GRIA4: variants seen among roughly 807,000 people sequenced by gnomAD.
GRIA4 encodes the protein glutamate ionotropic receptor AMPA type subunit 4, also known as glutamate receptor 4.
GRIA4 carries 34 observed loss-of-function variants against 104.0 expected under a neutral mutation model. The ratio of observed to expected loss-of-function variants is 0.33; its 90% CI spans 0.25 to 0.44. GRIA4 has a LOEUF of 0.44. GRIA4 is among the 20% of genes least tolerant of loss of function. The probability of loss-of-function intolerance (pLI) is 1.00; values close to 1 mark genes in which losing one functional copy is unlikely to be tolerated. For missense variants in GRIA4, 750 were observed against 1,096.5 expected (o/e 0.68, Z 4.46); for synonymous variants, 386 against 381.9 (o/e 1.01, Z -0.13).
intron 4 of GRIA4, among the ~76,000 whole-genome samples, chr11:105,861,053 G>T (rs1225420442): frequency 6.6e-6 from 1 of 151,860 alleles, no homozygotes; most frequent in Non-Finnish European, 1.5e-5. Context: ...AGAAATGCAG[G>T]AATTATGAGT....
At chr11:105,914,428 T>G (rs1361322958) in intron 10 of GRIA4, among the ~76,000 whole-genome samples, 1 of 152,114 alleles carries the variant, frequency 6.6e-6, no homozygotes, top group Non-Finnish European at 1.5e-5. Context: ...TTTAGAAAAT[T>G]TTGAAGCCTT....
chr11:105,675,837 T>G (rs1402992940), intron 3 of GRIA4, among the ~76,000 whole-genome samples: 1 of 151,862 alleles, frequency 6.6e-6, no homozygotes, highest in Non-Finnish European at 1.5e-5. Flanking sequence ...ATTTTGATAT[T>G]TATACTACTT....
chr11:105,840,160 T>C (rs947368871), intron 4 of GRIA4, among the ~76,000 whole-genome samples: 2 of 152,238 alleles, frequency 1.3e-5, no homozygotes, highest in Non-Finnish European at 2.9e-5. Flanking sequence ...ATATTTCAAA[T>C]GATTCTGATT....
intron 4 of GRIA4, among the ~76,000 whole-genome samples, chr11:105,781,317 C>G (rs1188854557): frequency 1.3e-5 from 2 of 152,124 alleles, no homozygotes; most frequent in African/African-American, 4.8e-5. Flanking sequence ...TTCTCTCACA[C>G]AATGCTCCCA....
intron 4 of GRIA4, among the ~76,000 whole-genome samples, chr11:105,815,163 T>C (rs1391036214): frequency 2.6e-5 from 4 of 152,180 alleles, no homozygotes; most frequent in Admixed American, 1.3e-4. Flanking sequence ...AAACAATACC[T>C]AAAACCAGCC....
intron 4 of GRIA4, among the ~76,000 whole-genome samples, chr11:105,761,232 T>C (rs1940632182): frequency 6.6e-6 from 1 of 152,144 alleles, no homozygotes; most frequent in South Asian, 2.1e-4. Context: ...CTCTCTCATT[T>C]GTCATGCTTT....
chr11:105,971,725 T>A (rs1858703935), intron 14 of GRIA4, among the ~76,000 whole-genome samples, 189 bp from the exon 15 acceptor site: 1 of 152,190 alleles, frequency 6.6e-6, no homozygotes, highest in East Asian at 1.9e-4. Context: ...TAGCAGTATG[T>A]GCCTGTTACC....
intron 3 of GRIA4, among the ~76,000 whole-genome samples, chr11:105,637,962 A>C (rs1349197467): frequency 6.6e-6 from 1 of 152,108 alleles, no homozygotes; most frequent in Admixed American, 6.6e-5. Flanking sequence ...TTTATTTTTA[A>C]ATTGACAAAT....
At chr11:105,659,898 T>A (rs1024905322) in intron 3 of GRIA4, among the ~76,000 whole-genome samples, 3 of 151,620 alleles carry the variant, frequency 2.0e-5, no homozygotes, top group Non-Finnish European at 4.4e-5. Context: ...CTCAGAAAAA[T>A]TCAATGTGAT....
intron 14 of GRIA4, among the ~76,000 whole-genome samples, chr11:105,948,716 C>T (rs1307701961): frequency 6.6e-6 from 1 of 150,560 alleles, no homozygotes; most frequent in Non-Finnish European, 1.5e-5. Flanking sequence ...AGCGACTCTC[C>T]TGCCTCAGCC....
chr11:105,864,460 A>G (rs923287407), intron 5 of GRIA4, among the ~76,000 whole-genome samples: 1 of 152,246 alleles, frequency 6.6e-6, no homozygotes, highest in Admixed American at 6.5e-5. Context: ...GTAAAAAGTT[A>G]AATGCTAAAT....
At chr11:105,638,429 G>A (rs575197453) in intron 3 of GRIA4, among the ~76,000 whole-genome samples, 8 of 152,194 alleles carry the variant, frequency 5.3e-5, no homozygotes, top group East Asian at 3.9e-4. Context: ...GTTTTATTCC[G>A]TAAGTAATAC....
chr11:105,834,817 G>A (rs937903467), intron 4 of GRIA4, among the ~76,000 whole-genome samples: 3 of 150,602 alleles, frequency 2.0e-5, no homozygotes, highest in African/African-American at 7.3e-5. Flanking sequence ...CCTGCAGCAA[G>A]TTGATGTACT....
intron 3 of GRIA4, among the ~76,000 whole-genome samples, chr11:105,698,779 T>A (rs1565473919): frequency 6.6e-6 from 1 of 152,138 alleles, no homozygotes; most frequent in African/African-American, 2.4e-5. Flanking sequence ...ACACTAATTA[T>A]GATCCACACG....
At chr11:105,887,914 A>G (rs1474449284) in intron 6 of GRIA4, among the ~76,000 whole-genome samples, 3 of 152,226 alleles carry the variant, frequency 2.0e-5, no homozygotes, top group African/African-American at 7.2e-5. Context: ...AGAATGATCT[A>G]AACTAATAGC....
intron 5 of GRIA4, among the ~76,000 whole-genome samples, chr11:105,862,960 T>G (rs1945280777): frequency 6.6e-6 from 1 of 152,180 alleles, no homozygotes; most frequent in Non-Finnish European, 1.5e-5. Context: ...AAAATTGCAG[T>G]GAGTGAATGC....
chr11:105,944,537 T>G (rs1302911979), intron 14 of GRIA4, among the ~76,000 whole-genome samples: 1 of 150,984 alleles, frequency 6.6e-6, no homozygotes, highest in Non-Finnish European at 1.5e-5. Flanking sequence ...TCAACAGAGA[T>G]AAAGTAATTC....
chr11:105,856,204 A>G (rs1945002809), intron 4 of GRIA4, among the ~76,000 whole-genome samples: 3 of 152,186 alleles, frequency 2.0e-5, no homozygotes, highest in South Asian at 4.1e-4. Context: ...TCCCACATCC[A>G]TTGTATTTTC....
chr11:105,648,539 A>C (rs1450922221), intron 3 of GRIA4, among the ~76,000 whole-genome samples: 1 of 151,776 alleles, frequency 6.6e-6, no homozygotes, highest in East Asian at 1.9e-4. Flanking sequence ...TTGCAAAGAT[A>C]TCAATAAATG....
Sources: gnomAD v4.1 joint callset for allele counts (sites outside exome capture counted in the v4.1 genomes callset) on GRCh38, gnomAD v4.1.1 for gene constraint, MANE v1.5 for transcripts, NCBI Gene and HGNC (gene_info 2026-07-23, HGNC 2026-07-21) for gene names.